The following DEAF1 variants were observed in gnomAD, a reference collection of about 807,000 sequenced individuals.
DEAF1 encodes the protein deformed epidermal autoregulatory factor 1 homolog.
DEAF1 carries 53 observed loss-of-function variants against 58.9 expected under a neutral mutation model. The observed-to-expected ratio is 0.90, with a 90% CI of 0.72 to 1.13. DEAF1 has a LOEUF of 1.13. DEAF1 is among the 50% of genes most tolerant of loss of function. The pLI, the probability that DEAF1 is intolerant of heterozygous loss-of-function variation, is 0.00. For missense variants in DEAF1, 685 were observed against 791.4 expected, an observed-to-expected ratio of 0.87 and a Z score of 1.61; for synonymous variants, 385 against 340.4, an observed-to-expected ratio of 1.13 and a Z score of -1.44.
At chr11:698,814 C>T (rs182772225), upstream of DEAF1, 471 of 1,610,906 alleles carry the variant, frequency 2.9e-4, 2 homozygotes, top group East Asian at 8.7e-3. Context: ...GAGCGAGACC[C>T]GGGAAAGCAT....
At chr11:666,685 G>A (rs1564933874) in intron 10 of DEAF1, among the ~76,000 whole-genome samples, 2 of 151,880 alleles carry the variant, frequency 1.3e-5, no homozygotes, top group East Asian at 1.9e-4. Context: ...AACCCTGGGC[G>A]ACAGAGCAAG....
intron 10 of DEAF1, among the ~76,000 whole-genome samples, chr11:671,811 T>G: frequency 8.4e-6 from 1 of 118,366 alleles, no homozygotes; most frequent in African/African-American, 3.3e-5. Flanking sequence ...GGCAACAGAG[T>G]GAGACCTTAC....
upstream of DEAF1, chr11:699,110 G>T: frequency 1.8e-6 from 1 of 547,530 alleles, no homozygotes; most frequent in South Asian, 2.7e-5. Flanking sequence ...AAGTGGCTAA[G>T]CACGCCACAC....
chr11:703,506 T>G (rs1428996572), intron 1 of DEAF1: 9 of 1,246,854 alleles, frequency 7.2e-6, no homozygotes, highest in Middle Eastern at 3.0e-4. Flanking sequence ...ACAGAGCCCT[T>G]CAGAACAGAG....
In DEAF1 at chr11:688,102, A is replaced by G; in HGVS notation, c.518-45T>C. ...TGAAGGTGAGAGGCCGGACACCGGGAAGCATAGTACACTCTCATCTCAGAC... is the reference window on the plus strand; with the variant it reads ...TGAAGGTGAGAGGCCGGACACCGGGGAGCATAGTACACTCTCATCTCAGAC... On this transcript the variant is annotated intron_variant, in intron 3 of 11. Transcript: ENST00000382409. The surrounding 1 kb of genome is among the most constrained non-coding windows in gnomAD (Gnocchi z 4.3). The G allele has an allele frequency of 1.2e-6, 2 of 1,612,146 alleles. No homozygotes were observed. The highest frequency in any genetic ancestry group is 1.7e-6 in the Non-Finnish European group (2 of 1,179,104).
intron 11 of DEAF1, among the ~76,000 whole-genome samples, chr11:651,884 TCAAAAA>T (rs199771939): frequency 7.9e-5 from 12 of 152,272 alleles, no homozygotes; most frequent in South Asian, 6.2e-4. Context: ...AGACTCCGTC[TCAAAAA>T]CAAAAACAAA....
In DEAF1 at chr11:659,228, C is replaced by CA. The variant is rs34491245; in HGVS notation, c.1504-5178dup. Among the ~76,000 whole-genome samples, 442 of 79,702 alleles carry CA rather than the reference C, an allele frequency of 5.5e-3. 5 individuals carry two copies. The highest frequency in any genetic ancestry group is 0.013 in the Middle Eastern group (2 of 158). 52.3% of individuals were successfully genotyped at this position (79,702 alleles called of 152,430 possible). ...GTGACATGGCAAAACCCTGTCTCTA[C>CA]AAAAAAAAAAAAAAAAAAAATTAGC... On this transcript the variant is annotated intron_variant, in intron 10 of 11. Transcript: ENST00000382409.
chr11:683,050 A>C (rs1310986263), intron 6 of DEAF1, among the ~76,000 whole-genome samples: 1 of 152,136 alleles, frequency 6.6e-6, no homozygotes, highest in Non-Finnish European at 1.5e-5. Flanking sequence ...CCTTTCCAAG[A>C]CTTACTACAT....
intron 1 of DEAF1, chr11:701,214 CT>C (rs1861446399): frequency 5.7e-6 from 1 of 176,016 alleles, no homozygotes; most frequent in Non-Finnish European, 1.2e-5. Flanking sequence ...AGGTCTCACT[CT>C]GTTGCCCAGG....
intron 10 of DEAF1, among the ~76,000 whole-genome samples, chr11:660,854 C>A (rs537117221): frequency 1.3e-5 from 2 of 151,628 alleles, no homozygotes; most frequent in East Asian, 3.9e-4. Flanking sequence ...GAAACACAAG[C>A]CCCTCTCGGC....
At chr11:686,031 C>T (rs2133398699) in intron 5 of DEAF1, among the ~76,000 whole-genome samples, 1 of 151,726 alleles carries the variant, frequency 6.6e-6, no homozygotes, top group African/African-American at 2.4e-5. Context: ...ACCTGTAATC[C>T]CAGCACTTTG....
chr11:661,392 CATTTG>C (rs2133319296), intron 10 of DEAF1, among the ~76,000 whole-genome samples: 1 of 151,940 alleles, frequency 6.6e-6, no homozygotes, highest in Non-Finnish European at 1.5e-5. Context: ...AGCTGGGCTA[CATTTG>C]ATTTTTTTTT....
At chr11:663,340 C>T (rs6598003) in intron 10 of DEAF1, among the ~76,000 whole-genome samples, 60,305 of 152,094 alleles carry the variant, frequency 0.4, 13,156 homozygotes, top group East Asian at 0.57. Context: ...TCCAGCCACT[C>T]GGGAGACTGA....
chr11:687,920 G>A lies in DEAF1; in HGVS notation c.655C>T (p.Leu219Phe), dbSNP rs781763187. The A allele has an allele frequency of 1.2e-6, 2 of 1,614,082 alleles. No individual in the cohort carries two copies. Among genetic ancestry groups the A allele is most frequent in the Non-Finnish European group, 1.7e-6 (2 of 1,180,012 alleles). ...NISGTLYKNR[L>F]GSGGRGRCIK... ...AAGTGGCAGTCCTCACCTGAGCCGAGCCTGTTCTTGTACAGAGTGCCGCTG... is the reference window on the plus strand; with the variant it reads ...AAGTGGCAGTCCTCACCTGAGCCGAACCTGTTCTTGTACAGAGTGCCGCTG... The change falls in exon 4 of 12, where the codon CTC becomes TTC. Residue 219 changes from leucine (L) to phenylalanine (F), a missense_variant. By Grantham distance (22) the Leu-to-Phe change is conservative (BLOSUM62 0). This residue lies in a region of DEAF1 where 132 missense variants were observed against 234.3 expected (regional missense o/e 0.56). Transcript: ENST00000382409.
intron 8 of DEAF1, 122 bp downstream of exon 8, chr11:679,566 C>G: frequency 6.7e-7 from 1 of 1,491,192 alleles, no homozygotes; most frequent in African/African-American, 1.4e-5. Context: ...CCAACAAACG[C>G]CTGGTTCAAG....
upstream of DEAF1, among the ~76,000 whole-genome samples, chr11:698,629 C>A (rs1364279571): frequency 6.6e-6 from 1 of 152,132 alleles, no homozygotes; most frequent in Non-Finnish European, 1.5e-5. Context: ...CCCGGTGCCC[C>A]CGGTACTCGC....
intron 1 of DEAF1, chr11:703,311 G>A: frequency 7.0e-7 from 1 of 1,423,660 alleles, no homozygotes. Flanking sequence ...AGTGGGAGCA[G>A]GAGCCAGGGC....
intron 1 of DEAF1, chr11:704,171 C>T: frequency 1.8e-6 from 2 of 1,097,496 alleles, no homozygotes; most frequent in South Asian, 3.7e-5. Flanking sequence ...ATCTCCAGTT[C>T]TCCTGCCCTG....
intron 1 of DEAF1, among the ~76,000 whole-genome samples, chr11:702,506 C>A (rs61876703): frequency 8.5e-5 from 13 of 152,172 alleles, no homozygotes; most frequent in African/African-American, 3.1e-4. Context: ...TTGCTAAATA[C>A]GCAGTTTTGT....
Sources: gnomAD v4.1 joint callset for allele counts (sites outside exome capture counted in the v4.1 genomes callset) on GRCh38, gnomAD v4.1.1 for gene constraint, gnomAD v4.1.1 regional missense constraint, Gnocchi (gnomAD v3.1) non-coding constraint, MANE v1.5 for transcripts, NCBI Gene and HGNC (gene_info 2026-07-23, HGNC 2026-07-21) for gene names.